Variants in LHFPL2 observed in about 807,000 individuals in gnomAD.
The protein encoded by LHFPL2 is LHFPL tetraspan subfamily member 2.
In LHFPL2, 7 loss-of-function variants were observed where a neutral mutation model predicts 17.5. The ratio of observed to expected loss-of-function variants is 0.40; its 90% CI spans 0.23 to 0.75. The LOEUF (loss-of-function observed/expected upper bound fraction) is 0.75. Among genes scored for constraint, LHFPL2 ranks in the 30% least tolerant of loss-of-function variants. LHFPL2 has a pLI of 0.37. For missense variants in LHFPL2, 241 were observed against 294.8 expected (o/e 0.82, Z 1.34); for synonymous variants, 134 against 116.2 (o/e 1.15, Z -0.99).
intron 4 of LHFPL2, 30 bp downstream of exon 4, chr5:78,509,754 C>A: frequency 6.3e-7 from 1 of 1,593,516 alleles, no homozygotes; most frequent in Non-Finnish European, 8.6e-7. Context: ...ATCCCTCCAT[C>A]CCACCGTGCC....
chr5:78,639,508 A>C (rs1031070465), intron 1 of LHFPL2, among the ~76,000 whole-genome samples: 4 of 152,244 alleles, frequency 2.6e-5, no homozygotes, highest in African/African-American at 7.2e-5. Context: ...GTCGGTAATT[A>C]TGAGTTTTCA....
intron 2 of LHFPL2, among the ~76,000 whole-genome samples, chr5:78,590,878 T>C (rs577773061): frequency 2.1e-4 from 32 of 152,352 alleles, no homozygotes; most frequent in African/African-American, 7.7e-4. Flanking sequence ...GCTAAGAATG[T>C]TTCCTAGTCT....
chr5:78,570,257 G>C (rs1388267972), intron 2 of LHFPL2, among the ~76,000 whole-genome samples: 6 of 152,182 alleles, frequency 3.9e-5, no homozygotes, highest in Admixed American at 3.3e-4. Context: ...AGTTAGAAAA[G>C]TCAGGCTATG....
chr5:78,620,525 G>A (rs1035856), intron 2 of LHFPL2, among the ~76,000 whole-genome samples: 6,924 of 152,162 alleles, frequency 0.046, 303 homozygotes, highest in East Asian at 0.24. Context: ...TCAGTCTCAC[G>A]CCAAGGCAAT....
At chr5:78,553,557 A>G (rs1053094863) in intron 3 of LHFPL2, among the ~76,000 whole-genome samples, 2 of 152,206 alleles carry the variant, frequency 1.3e-5, no homozygotes, top group African/African-American at 4.8e-5. Flanking sequence ...ACAAGAATGG[A>G]AGAGCTGATA....
At position 78,496,085 on chromosome 5, in the gene LHFPL2, G is replaced by A. The variant is rs552651871; in HGVS notation, c.431-6932C>T. On this transcript the variant is annotated intron_variant, in intron 4 of 4. Coordinates refer to ENST00000380345, the MANE Select transcript of LHFPL2 (RefSeq NM_005779.3). ...TTCTCGTTGTGTTCCCACCTCCAAC[G>A]TACATCCCTCTTGAGCTCTTTCTCA... 1.4e-4 allele frequency among the ~76,000 whole-genome samples: 22 copies of A among 152,192 alleles called. No homozygotes were observed. The South Asian group carries it at 3.7e-3, about 26-fold the overall frequency.
At chr5:78,523,651 C>T (rs1273252054) in intron 3 of LHFPL2, among the ~76,000 whole-genome samples, 1 of 152,080 alleles carries the variant, frequency 6.6e-6, no homozygotes, top group East Asian at 1.9e-4. Flanking sequence ...GGCCAGTGGA[C>T]GTCATTGACA....
intron 2 of LHFPL2, among the ~76,000 whole-genome samples, chr5:78,631,248 T>C (rs564243702): frequency 1.3e-5 from 2 of 152,352 alleles, no homozygotes; most frequent in East Asian, 3.9e-4. Context: ...CCTATGGTGG[T>C]CTGCATGCCA....
At chr5:78,489,459 G>T (rs1044473119) in intron 4 of LHFPL2, among the ~76,000 whole-genome samples, 4 of 152,178 alleles carry the variant, frequency 2.6e-5, no homozygotes, top group African/African-American at 9.7e-5. Context: ...AGGCAGGAGT[G>T]CAGTGGTGCA....
At chr5:78,524,728 T>A (rs1253332970) in intron 3 of LHFPL2, among the ~76,000 whole-genome samples, 1 of 133,328 alleles carries the variant, frequency 7.5e-6, no homozygotes, top group Non-Finnish European at 1.6e-5. Context: ...GGGGACAGAA[T>A]GTGACCCTGT....
chr5:78,524,123 TACAAGACTCGCTCC>T (rs1755543811), intron 3 of LHFPL2, among the ~76,000 whole-genome samples: 1 of 152,154 alleles, frequency 6.6e-6, no homozygotes, highest in East Asian at 1.9e-4. Flanking sequence ...TCATTAAGGC[TACAAGACTCGCTCC>T]ACACAGAACC....
intron 3 of LHFPL2, among the ~76,000 whole-genome samples, chr5:78,562,854 G>A (rs908128711): frequency 6.6e-6 from 1 of 152,182 alleles, no homozygotes; most frequent in African/African-American, 2.4e-5. Context: ...CCTGGATCCT[G>A]AAGGCTTTGG....
chr5:78,546,520 A>G (rs1396012865), intron 3 of LHFPL2, among the ~76,000 whole-genome samples: 1 of 152,244 alleles, frequency 6.6e-6, no homozygotes, highest in Non-Finnish European at 1.5e-5. Context: ...AGGATGAGCA[A>G]TGCATCCTAG....
At chr5:78,582,669 G>C (rs1743191845) in intron 2 of LHFPL2, among the ~76,000 whole-genome samples, 1 of 152,122 alleles carries the variant, frequency 6.6e-6, no homozygotes, top group Non-Finnish European at 1.5e-5. Flanking sequence ...TATAATTCCT[G>C]TTCTTTTACA....
At chr5:78,529,590 T>C (rs1388793322) in intron 3 of LHFPL2, among the ~76,000 whole-genome samples, 6 of 151,444 alleles carry the variant, frequency 4.0e-5, no homozygotes, top group Admixed American at 3.3e-4. Flanking sequence ...GAGCCGAGAT[T>C]GCGCCACTGC....
chr5:78,568,947 G>A (rs754855062), intron 2 of LHFPL2, among the ~76,000 whole-genome samples: 2 of 152,112 alleles, frequency 1.3e-5, no homozygotes, highest in Admixed American at 1.3e-4. Flanking sequence ...TATAAACCAA[G>A]AATTTGAGCC....
chr5:78,530,287 A>T (rs1051516395), intron 3 of LHFPL2, among the ~76,000 whole-genome samples: 1 of 152,242 alleles, frequency 6.6e-6, no homozygotes, highest in African/African-American at 2.4e-5. Context: ...AAATTATACC[A>T]TTAGTATTTA....
intron 2 of LHFPL2, among the ~76,000 whole-genome samples, chr5:78,579,871 G>T (rs1340023934): frequency 6.6e-6 from 1 of 152,216 alleles, no homozygotes; most frequent in Non-Finnish European, 1.5e-5. Context: ...TAATGGGATG[G>T]CTGGGTCAAA....
chr5:78,570,400 A>C (rs1756965047), intron 2 of LHFPL2, among the ~76,000 whole-genome samples: 1 of 152,096 alleles, frequency 6.6e-6, no homozygotes, highest in African/African-American at 2.4e-5. Flanking sequence ...ACAGAGTAGC[A>C]GTGATGCTGT....
Sources: allele counts gnomAD v4.1 joint callset (sites outside exome capture counted in the v4.1 genomes callset), GRCh38; gene constraint gnomAD v4.1.1; transcripts MANE v1.5; gene names NCBI Gene and HGNC (gene_info 2026-07-23, HGNC 2026-07-21).